Variants in ZFHX3 observed in about 807,000 individuals in gnomAD.
ZFHX3 encodes the protein zinc finger homeobox protein 3.
ZFHX3 carries 42 observed loss-of-function variants against 279.1 expected under a neutral mutation model. The ratio of observed to expected loss-of-function variants is 0.15; its 90% CI spans 0.12 to 0.19. The LOEUF (loss-of-function observed/expected upper bound fraction) is 0.19. Ranked by LOEUF, ZFHX3 falls within the 10% of genes least tolerant of loss-of-function variation. ZFHX3 has a pLI of 1.00. For missense variants in ZFHX3, 4,981 were observed against 4,754.0 expected, an observed-to-expected ratio of 1.05 and a Z score of -1.40; for synonymous variants, 2,293 against 1,957.8, an observed-to-expected ratio of 1.17 and a Z score of -4.52.
intron 3 of ZFHX3, among the ~76,000 whole-genome samples, chr16:73,432,854 A>C (rs1307210840): frequency 1.4e-4 from 22 of 152,130 alleles, no homozygotes; most frequent in Admixed American, 1.4e-3. Flanking sequence ...TATTGAAGTC[A>C]TTTCAAGCTC....
At chr16:72,908,980 G>A (rs1190566213) in intron 3 of ZFHX3, among the ~76,000 whole-genome samples, 1 of 152,226 alleles carries the variant, frequency 6.6e-6, no homozygotes, top group Non-Finnish European at 1.5e-5. Context: ...AAGCTACTCA[G>A]TCTGCTGAAT....
intron 2 of ZFHX3, among the ~76,000 whole-genome samples, chr16:73,587,459 T>G (rs1287199636): frequency 6.6e-6 from 1 of 152,210 alleles, no homozygotes; most frequent in East Asian, 1.9e-4. Context: ...GCCAAAATGC[T>G]TTTAGTTGAC....
At chr16:73,834,913 C>CA (rs397855647) in intron 1 of ZFHX3, among the ~76,000 whole-genome samples, 1 of 152,060 alleles carries the variant, frequency 6.6e-6, no homozygotes, top group Non-Finnish European at 1.5e-5. Context: ...CGTCTCCCCC[C>CA]GTGGGGTCTG....
At chr16:73,195,735 T>A (rs1968131911) in intron 5 of ZFHX3, among the ~76,000 whole-genome samples, 1 of 152,018 alleles carries the variant, frequency 6.6e-6, no homozygotes. Context: ...TACTATTATA[T>A]CCAATTTAAG....
chr16:73,790,790 C>T (rs1405498094), intron 1 of ZFHX3, among the ~76,000 whole-genome samples: 3 of 152,230 alleles, frequency 2.0e-5, no homozygotes, highest in African/African-American at 7.2e-5. Context: ...ACCAAAGTTG[C>T]TCAGCAGAAA....
At chr16:72,868,337 G>A (rs1597327347) in intron 4 of ZFHX3, among the ~76,000 whole-genome samples, 1 of 152,108 alleles carries the variant, frequency 6.6e-6, no homozygotes, top group Non-Finnish European at 1.5e-5. Context: ...CAAGGCCCAA[G>A]CTCACATCCT....
chr16:73,675,314 T>C (rs2052943568), intron 2 of ZFHX3, among the ~76,000 whole-genome samples: 1 of 151,990 alleles, frequency 6.6e-6, no homozygotes, highest in African/African-American at 2.4e-5. Context: ...TATGGTTAAT[T>C]AGAGAGCTCA....
At chr16:73,578,843 T>C (rs1329810546) in intron 2 of ZFHX3, among the ~76,000 whole-genome samples, 1 of 152,260 alleles carries the variant, frequency 6.6e-6, no homozygotes, top group African/African-American at 2.4e-5. Flanking sequence ...CTTTGCTTTA[T>C]ATTTTATGTC....
chr16:73,251,156 C>G (rs1249420981), intron 5 of ZFHX3, among the ~76,000 whole-genome samples: 1 of 152,198 alleles, frequency 6.6e-6, no homozygotes, highest in Non-Finnish European at 1.5e-5. Context: ...AATGTAGACT[C>G]TTGGTTTCAG....
intron 2 of ZFHX3, among the ~76,000 whole-genome samples, chr16:73,581,060 TG>T (rs2051856116): frequency 6.6e-6 from 1 of 151,880 alleles, no homozygotes; most frequent in African/African-American, 2.4e-5. Flanking sequence ...ATTTTAGGCC[TG>T]TTCAGTGGAC....
At chr16:73,843,094 A>G (rs1437809649) in intron 1 of ZFHX3, among the ~76,000 whole-genome samples, 1 of 152,208 alleles carries the variant, frequency 6.6e-6, no homozygotes, top group Non-Finnish European at 1.5e-5. Flanking sequence ...ATTTTCCAGA[A>G]TAGGTGTCAA....
chr16:73,070,529 T>A (rs1232426747), intron 8 of ZFHX3, among the ~76,000 whole-genome samples: 1 of 152,192 alleles, frequency 6.6e-6, no homozygotes, highest in Non-Finnish European at 1.5e-5. Context: ...AATTCCACTC[T>A]GAGACCACCT....
At chr16:73,385,468 C>A (rs1367553701) in intron 3 of ZFHX3, among the ~76,000 whole-genome samples, 1 of 152,114 alleles carries the variant, frequency 6.6e-6, no homozygotes, top group African/African-American at 2.4e-5. Context: ...CACTTATAGG[C>A]CCTGGCAGCT....
chr16:73,291,459 C>T (rs1219721456), intron 4 of ZFHX3, among the ~76,000 whole-genome samples: 2 of 152,220 alleles, frequency 1.3e-5, no homozygotes, highest in East Asian at 1.9e-4. Flanking sequence ...TCCAGAGATA[C>T]GTGTGAAGGA....
chr16:73,503,338 G>A (rs916228207), intron 2 of ZFHX3, among the ~76,000 whole-genome samples: 2 of 152,168 alleles, frequency 1.3e-5, no homozygotes, highest in Non-Finnish European at 2.9e-5. Context: ...GGATGTCTGC[G>A]GTGTTGGGCA....
chr16:73,333,972 C>G (rs1433699974), intron 3 of ZFHX3, among the ~76,000 whole-genome samples: 1 of 152,106 alleles, frequency 6.6e-6, no homozygotes, highest in Non-Finnish European at 1.5e-5. Flanking sequence ...TCAGGTAAGT[C>G]TAGTCTGGGA....
chr16:72,870,662 G>A (rs1039289776), intron 4 of ZFHX3, among the ~76,000 whole-genome samples: 1 of 141,932 alleles, frequency 7.0e-6, no homozygotes, highest in African/African-American at 2.7e-5. Flanking sequence ...AGCTTGCAGT[G>A]AGCCGAGATC....
intron 3 of ZFHX3, among the ~76,000 whole-genome samples, chr16:73,378,360 C>T (rs564921955): frequency 7.9e-5 from 12 of 152,220 alleles, no homozygotes; most frequent in African/African-American, 2.9e-4. Context: ...AAATGATTGG[C>T]CCTTTAAGGT....
chr16:73,178,428 C>G (rs1967715353), intron 5 of ZFHX3, among the ~76,000 whole-genome samples: 1 of 152,094 alleles, frequency 6.6e-6, no homozygotes, highest in South Asian at 2.1e-4. Context: ...CGTGAGCCAC[C>G]GCGCCTGACC....
Sources: allele counts gnomAD v4.1 joint callset (sites outside exome capture counted in the v4.1 genomes callset), GRCh38; gene constraint gnomAD v4.1.1; transcripts MANE v1.5; gene names NCBI Gene and HGNC (gene_info 2026-07-23, HGNC 2026-07-21).